GFRA2: variants seen among roughly 807,000 people sequenced by gnomAD.
GFRA2 encodes the protein GDNF family receptor alpha-2.
In GFRA2, 17 loss-of-function variants were observed where a neutral mutation model predicts 48.3. The ratio of observed to expected loss-of-function variants is 0.35; its 90% confidence interval spans 0.24 to 0.53. GFRA2 has a LOEUF of 0.53. Ranked by LOEUF, GFRA2 falls within the 20% of genes least tolerant of loss-of-function variation. The pLI, the probability that GFRA2 is intolerant of heterozygous loss-of-function variation, is 0.93. For missense variants in GFRA2, 660 were observed against 637.3 expected, an observed-to-expected ratio of 1.04 and a Z score of -0.38; for synonymous variants, 305 against 257.2, an observed-to-expected ratio of 1.19 and a Z score of -1.78.
intron 7 of GFRA2, among the ~76,000 whole-genome samples, chr8:21,700,978 G>A (rs1016888811): frequency 1.3e-5 from 2 of 152,200 alleles, no homozygotes. Flanking sequence ...CTGAGAGACA[G>A]GGGACAGATG....
chr8:21,805,678 C>A (rs1807847386), intron 1 of GFRA2, among the ~76,000 whole-genome samples: 2 of 152,212 alleles, frequency 1.3e-5, no homozygotes, highest in Admixed American at 1.3e-4. Flanking sequence ...CCAGAGCCCA[C>A]ATCTCCTGTG....
intron 3 of GFRA2, among the ~76,000 whole-genome samples, chr8:21,763,950 A>C (rs1334195045): frequency 8.1e-6 from 1 of 123,394 alleles, no homozygotes; most frequent in Non-Finnish European, 1.7e-5. Flanking sequence ...GTCACTAGGT[A>C]ACACACACAC....
chr8:21,736,907 TGAGGGGAGGG>T (rs1302505061), intron 4 of GFRA2, among the ~76,000 whole-genome samples: 1 of 29,788 alleles, frequency 3.4e-5, no homozygotes, highest in Non-Finnish European at 6.5e-5. Flanking sequence ...AAGGAAGAAA[TGAGGGGAGGG>T]GAGGGGAGGG....
chr8:21,802,348 GTCT>G (rs1481250967), intron 2 of GFRA2, among the ~76,000 whole-genome samples: 4 of 152,236 alleles, frequency 2.6e-5, no homozygotes, highest in East Asian at 1.9e-4. Flanking sequence ...CATTGCCTCT[GTCT>G]TCTTCTTCTT....
chr8:21,720,803 A>T (rs1803557472), intron 4 of GFRA2, among the ~76,000 whole-genome samples: 1 of 152,164 alleles, frequency 6.6e-6, no homozygotes, highest in African/African-American at 2.4e-5. Context: ...ATGTTTCACA[A>T]ACTCCAGTTA....
At chr8:21,800,864 T>C (rs1267491757) in intron 2 of GFRA2, among the ~76,000 whole-genome samples, 1 of 150,080 alleles carries the variant, frequency 6.7e-6, no homozygotes, top group East Asian at 2.0e-4. Flanking sequence ...AATTCCAGGC[T>C]GCAGTGAGCT....
At position 21,692,642 on chromosome 8, in the gene GFRA2, G is replaced by A. The variant is rs1053557996; in HGVS notation, c.*636C>T. On this transcript the variant is annotated 3_prime_UTR_variant, in exon 9 of 9. Transcript: ENST00000524240. ...AGCTGGCCCCCAGCCCCAACACTCC[G>A]TGCTACAGTCAGGGGGAGCCCAGCA... 9 of 152,172 alleles carry A rather than the reference G, an allele frequency of 5.9e-5. No individual in the cohort carries two copies. The highest frequency in any genetic ancestry group is 2.1e-4 in the South Asian group (1 of 4,802). 9.4% of individuals were successfully genotyped at this position (152,172 alleles called of 1,614,324 possible). A position where few individuals can be genotyped will look rare whatever the true frequency, so the allele number is the denominator to read the frequency against.
intron 2 of GFRA2, among the ~76,000 whole-genome samples, chr8:21,800,982 C>G (rs1168490016): frequency 1.3e-5 from 2 of 150,096 alleles, no homozygotes; most frequent in Non-Finnish European, 3.0e-5. Flanking sequence ...TTTCAGAAGA[C>G]AGATACCATC....
chr8:21,767,465 G>C (rs1303005542), intron 3 of GFRA2, among the ~76,000 whole-genome samples: 1 of 152,278 alleles, frequency 6.6e-6, no homozygotes, highest in Non-Finnish European at 1.5e-5. Context: ...GGAGCGTGCA[G>C]GCATGGGTGG....
At chr8:21,761,963 A>AT (rs1805934453) in intron 3 of GFRA2, among the ~76,000 whole-genome samples, 1 of 151,888 alleles carries the variant, frequency 6.6e-6, no homozygotes, top group African/African-American at 2.4e-5. Context: ...AAAAATTAAA[A>AT]AAATTAAAAA....
intron 2 of GFRA2, among the ~76,000 whole-genome samples, chr8:21,799,319 G>A (rs1392718409): frequency 2.0e-5 from 3 of 151,558 alleles, no homozygotes; most frequent in Admixed American, 1.3e-4. Context: ...CTGGGTTCAC[G>A]CCATTCTCCT....
rs76570278 is a variant in GFRA2, at chr8:21,727,291, T to C, written c.795-21250A>G. ...TCCAGGGTCACAGGCTCTGTTGCCATCTGGAGCTGGGCCCTACCTCCCATG... is the reference window on the plus strand; with the variant it reads ...TCCAGGGTCACAGGCTCTGTTGCCACCTGGAGCTGGGCCCTACCTCCCATG... On this transcript the variant is annotated intron_variant, in intron 4 of 8. Transcript: ENST00000524240. Among the ~76,000 whole-genome samples the C allele has an allele frequency of 2.8e-3, 427 of 152,194 alleles. 12 individuals carry two copies. In the East Asian group the frequency reaches 0.068, roughly 24 times the overall value.
chr8:21,749,394 T>C (rs888220018), intron 4 of GFRA2, among the ~76,000 whole-genome samples: 8 of 151,922 alleles, frequency 5.3e-5, no homozygotes, highest in Admixed American at 2.6e-4. Context: ...ATTTTATAGG[T>C]GAAGGGACGG....
intron 3 of GFRA2, among the ~76,000 whole-genome samples, chr8:21,757,691 CG>C (rs528943169): frequency 8.7e-4 from 133 of 152,038 alleles, no homozygotes; most frequent in African/African-American, 3.1e-3. Flanking sequence ...TTAGTAGAGA[CG>C]GGGTTTTGCC....
intron 2 of GFRA2, among the ~76,000 whole-genome samples, chr8:21,794,233 CTTTTTTTTTTT>C (rs1159236794): frequency 4.5e-5 from 3 of 66,958 alleles, no homozygotes; most frequent in African/African-American, 1.2e-4. Flanking sequence ...CTGAGAGTGA[CTTTTTTTTTTT>C]TTTTTTTTTT....
chr8:21,789,384 G>C (rs1275746274), upstream of GFRA2: 1 of 152,552 alleles, frequency 6.6e-6, no homozygotes, highest in Non-Finnish European at 1.5e-5. Context: ...CTGGGTCTGG[G>C]AAGCCTGGGG....
At chr8:21,725,646 T>G (rs540096867) in intron 4 of GFRA2, among the ~76,000 whole-genome samples, 7 of 152,332 alleles carry the variant, frequency 4.6e-5, no homozygotes, top group African/African-American at 1.7e-4. Context: ...TTAATCCTCA[T>G]GAACACCCTG....
intron 4 of GFRA2, among the ~76,000 whole-genome samples, chr8:21,731,435 G>A (rs1804188383): frequency 6.6e-6 from 1 of 152,034 alleles, no homozygotes; most frequent in African/African-American, 2.4e-5. Flanking sequence ...ACTCCAAAAG[G>A]CCTTCATATG....
chr8:21,778,260 G>T (rs1016328785), intron 2 of GFRA2, among the ~76,000 whole-genome samples: 4 of 152,124 alleles, frequency 2.6e-5, no homozygotes, highest in African/African-American at 9.7e-5. Flanking sequence ...TGCTCAACAG[G>T]CCATGGACGC....
Sources: gnomAD v4.1 joint callset for allele counts (sites outside exome capture counted in the v4.1 genomes callset) on GRCh38, gnomAD v4.1.1 for gene constraint, MANE v1.5 for transcripts, NCBI Gene and HGNC (gene_info 2026-07-23, HGNC 2026-07-21) for gene names.